HPSE2: variants seen among roughly 807,000 people sequenced by gnomAD.
HPSE2 encodes the protein inactive heparanase-2.
A neutral mutation model predicts 60.5 loss-of-function variants in HPSE2; 38 were observed. That is an observed-to-expected ratio of 0.63 (90% confidence interval 0.48 to 0.82). The LOEUF (loss-of-function observed/expected upper bound fraction) is 0.82. Ranked by LOEUF, HPSE2 falls within the 40% of genes least tolerant of loss-of-function variation. The pLI is 0.00. For synonymous variants in HPSE2, 295 were observed against 293.2 expected (o/e 1.01, Z -0.06); for missense variants, 713 against 740.4 (o/e 0.96, Z 0.43).
chr10:98,679,249 A>G (rs545014811), intron 6 of HPSE2, among the ~76,000 whole-genome samples: 2 of 152,350 alleles, frequency 1.3e-5, no homozygotes, highest in South Asian at 2.1e-4. Flanking sequence ...CTACATCAGC[A>G]GTTCTCCAGG....
At chr10:99,276,057 T>G in the HPSE2 span, among the ~76,000 whole-genome samples, 1 of 152,214 alleles carries the variant, frequency 6.6e-6, no homozygotes, top group African/African-American at 2.4e-5. Context: ...GTAGTATATA[T>G]ACCCAAAACA....
At chr10:99,085,551 C>T (rs538459421) in intron 3 of HPSE2, among the ~76,000 whole-genome samples, 1 of 152,268 alleles carries the variant, frequency 6.6e-6, no homozygotes, top group South Asian at 2.1e-4. Context: ...CATCATACTG[C>T]TTCATAAACT....
At chr10:99,180,135 T>C (rs931115822) in intron 2 of HPSE2, among the ~76,000 whole-genome samples, 2 of 152,172 alleles carry the variant, frequency 1.3e-5, no homozygotes, top group African/African-American at 2.4e-5. Context: ...GACTCAAATG[T>C]AAGACCTAAA....
the HPSE2 span, among the ~76,000 whole-genome samples, chr10:99,289,469 T>C: frequency 6.6e-6 from 1 of 152,154 alleles, no homozygotes. Flanking sequence ...TTGTTATCCA[T>C]GATTTTTCTT....
intron 2 of HPSE2, among the ~76,000 whole-genome samples, chr10:99,145,239 G>A (rs113700807): frequency 0.016 from 2,444 of 152,198 alleles, 90 homozygotes; most frequent in East Asian, 0.14. Flanking sequence ...GGCAGATCAC[G>A]ATGTCAGGAG....
chr10:98,569,080 T>TG (rs397711487), intron 9 of HPSE2, among the ~76,000 whole-genome samples: 1 of 151,492 alleles, frequency 6.6e-6, no homozygotes, highest in Non-Finnish European at 1.5e-5. Flanking sequence ...TTTTTTTTTT[T>TG]GAAATGGAGT....
At chr10:98,486,374 C>G (rs1290129462) in intron 10 of HPSE2, among the ~76,000 whole-genome samples, 1 of 152,266 alleles carries the variant, frequency 6.6e-6, no homozygotes, top group East Asian at 1.9e-4. Context: ...AGTGAATGTT[C>G]CTTTCAGGAG....
intron 9 of HPSE2, among the ~76,000 whole-genome samples, chr10:98,607,696 T>C (rs1355625646): frequency 6.6e-6 from 1 of 152,234 alleles, no homozygotes; most frequent in East Asian, 1.9e-4. Flanking sequence ...TAGAAAATTA[T>C]AAAAAGTTAA....
chr10:98,843,134 C>T (rs1001640081), intron 3 of HPSE2, among the ~76,000 whole-genome samples: 41 of 151,778 alleles, frequency 2.7e-4, no homozygotes, highest in African/African-American at 9.2e-4. Context: ...ATTTCATCAC[C>T]CGGGTATTAA....
intron 5 of HPSE2, among the ~76,000 whole-genome samples, chr10:98,705,536 G>C (rs937923334): frequency 6.6e-6 from 1 of 152,152 alleles, no homozygotes; most frequent in Non-Finnish European, 1.5e-5. Flanking sequence ...ACTAAATAAA[G>C]AAAATGTGGT....
At chr10:99,315,509 G>T in the HPSE2 span, among the ~76,000 whole-genome samples, 1 of 152,074 alleles carries the variant, frequency 6.6e-6, no homozygotes, top group Non-Finnish European at 1.5e-5. Flanking sequence ...GAAGCAGTCA[G>T]GGGAGAGGTG....
At chr10:98,691,973 G>A (rs1948087633) in intron 6 of HPSE2, among the ~76,000 whole-genome samples, 1 of 152,014 alleles carries the variant, frequency 6.6e-6, no homozygotes, top group Non-Finnish European at 1.5e-5. Flanking sequence ...AGTACTTGGT[G>A]AATTGAATAA....
chr10:98,597,240 A>T (rs1945264293), intron 9 of HPSE2, among the ~76,000 whole-genome samples: 1 of 152,140 alleles, frequency 6.6e-6, no homozygotes, highest in African/African-American at 2.4e-5. Flanking sequence ...AATATCAGAG[A>T]CCTTTGGCCT....
chr10:98,707,099 G>GA (rs5787301), intron 5 of HPSE2, among the ~76,000 whole-genome samples: 117,056 of 148,012 alleles, frequency 0.79, 50,413 homozygotes, highest in Non-Finnish European at 0.96. Flanking sequence ...ATGTAGGAAT[G>GA]AAAAAAAAAA....
At chr10:98,668,448 T>C (rs372487790) in intron 6 of HPSE2, among the ~76,000 whole-genome samples, 1 of 152,038 alleles carries the variant, frequency 6.6e-6, no homozygotes, top group Non-Finnish European at 1.5e-5. Context: ...AGGAGCCCGA[T>C]TAGCCAAAGC....
Position 98,614,951 on chromosome 10 carries a change from CA to C in HPSE2, c.1272del (p.Phe424LeufsTer28). The C allele has an allele frequency of 3.1e-6, 5 of 1,613,980 alleles. No individual in the cohort carries two copies. Among genetic ancestry groups the C allele is most frequent in the Non-Finnish European group, 4.2e-6 (5 of 1,179,938 alleles). On this transcript the variant is annotated frameshift_variant, in exon 9 of 12. Transcript: ENST00000370552. LOFTEE classifies it high-confidence loss of function. ...GIDVVIRHSF[F>X]DHGYNHLVDQ... is the part of the protein sequence containing the mutation. ...TCCACGAGGTGATTGTATCCATGGT[CA>C]AAAAATGAGTGCCGTATCACGACAT...
At chr10:98,734,840 C>T (rs1203408962) in intron 4 of HPSE2, among the ~76,000 whole-genome samples, 3 of 151,044 alleles carry the variant, frequency 2.0e-5, no homozygotes, top group African/African-American at 7.3e-5. Context: ...TTTAGGTTTA[C>T]AGAAAATTGA....
At chr10:98,675,541 C>T (rs1947614897) in intron 6 of HPSE2, among the ~76,000 whole-genome samples, 1 of 136,362 alleles carries the variant, frequency 7.3e-6, no homozygotes, top group Non-Finnish European at 1.6e-5. Context: ...TCCCTGTCTA[C>T]ACACACACAC....
chr10:98,739,884 A>C (rs990413070), intron 4 of HPSE2, among the ~76,000 whole-genome samples: 8 of 152,158 alleles, frequency 5.3e-5, no homozygotes, highest in Non-Finnish European at 1.2e-4. Context: ...GTGATTAAGT[A>C]TAGCTCTCTA....
Sources: gnomAD v4.1 joint callset for allele counts (sites outside exome capture counted in the v4.1 genomes callset) on GRCh38, gnomAD v4.1.1 for gene constraint, MANE v1.5 for transcripts, NCBI Gene and HGNC (gene_info 2026-07-23, HGNC 2026-07-21) for gene names.